The following WWOX variants were observed in gnomAD, a reference collection of about 807,000 sequenced individuals.
The protein encoded by WWOX is WW domain containing oxidoreductase, also known as WW domain-containing oxidoreductase.
In WWOX, 69 loss-of-function variants were observed where a neutral mutation model predicts 46.2. The observed-to-expected ratio is 1.49, with a 90% CI of 1.23 to 1.82. The LOEUF (loss-of-function observed/expected upper bound fraction) is 1.82. Among genes scored for constraint, WWOX ranks in the 40% most tolerant of loss-of-function variants. The pLI is 0.00. For synonymous variants in WWOX, 359 were observed against 202.6 expected (o/e 1.77, Z -6.56); for missense variants, 919 against 542.6 (o/e 1.69, Z -6.89).
At chr16:79,210,659 T>C (rs1178501776) in intron 8 of WWOX, among the ~76,000 whole-genome samples, 1 of 152,238 alleles carries the variant, frequency 6.6e-6, no homozygotes, top group Admixed American at 6.5e-5. Context: ...GTATTGGTTT[T>C]AAATTAGAGA....
At chr16:78,427,078 G>C (rs74894642) in intron 7 of WWOX, among the ~76,000 whole-genome samples, 5,469 of 152,270 alleles carry the variant, frequency 0.036, 177 homozygotes, top group East Asian at 0.088. Context: ...GACTTGGTGC[G>C]TAGGTGGTAC....
In WWOX at chr16:78,805,407, C is replaced by T. The variant is rs1597642397; in HGVS notation, c.1056+372655C>T. Among the ~76,000 whole-genome samples the T allele has an allele frequency of 2.0e-5, 3 of 149,544 alleles. No homozygotes were observed. In the Admixed American group the frequency reaches 2.0e-4, roughly 10 times the overall value. On this transcript the variant is annotated intron_variant, in intron 8 of 8. Transcript: ENST00000566780. ...TCCGGAGTAGCTGGGACTACAGGCA[C>T]CCGCCACCTCGCCTGGCTAATTTTT...
chr16:79,091,747 A>G (rs1253120587), intron 8 of WWOX, among the ~76,000 whole-genome samples: 1 of 144,952 alleles, frequency 6.9e-6, no homozygotes, highest in South Asian at 2.2e-4. Flanking sequence ...TTCTGCACAC[A>G]CCCGACCGCA....
chr16:78,939,242 G>T lies in WWOX; in HGVS notation c.1057-272366G>T, dbSNP rs555149914. On this transcript the variant is annotated intron_variant, in intron 8 of 8. Coordinates refer to ENST00000566780, the MANE Select transcript of WWOX (RefSeq NM_016373.4). ...CTGTCTGCTAGACACAGAATTGGGT[G>T]TTGGGCTTTAAAGATGGATGAAAGG... is the stretch of plus-strand genomic sequence containing the variant. 2.6e-4 allele frequency among the ~76,000 whole-genome samples: 40 copies of T among 152,274 alleles called. 1 individual carries two copies. The highest frequency in any genetic ancestry group is 9.4e-4 in the African/African-American group (39 of 41,560).
chr16:78,413,876 C>T (rs1327514597), intron 6 of WWOX, among the ~76,000 whole-genome samples: 2 of 151,328 alleles, frequency 1.3e-5, no homozygotes, highest in African/African-American at 2.4e-5. Flanking sequence ...AATCCCAGTA[C>T]TTTGGGAGGC....
In WWOX at chr16:79,178,501, G is replaced by C. The variant is rs560308625; in HGVS notation, c.1057-33107G>C. Among the ~76,000 whole-genome samples, 4 of 152,154 alleles carry C rather than the reference G, an allele frequency of 2.6e-5. No individual in the cohort carries two copies. The South Asian group carries it at 6.2e-4, about 24-fold the overall frequency. ...TGGCTAATTTTCTAAATTTTTTGTA[G>C]AGACAAGGTCTCACTGTGTTGTCCA... On this transcript the variant is annotated intron_variant, in intron 8 of 8. Coordinates refer to ENST00000566780, the MANE Select transcript of WWOX (RefSeq NM_016373.4).
intron 8 of WWOX, chr16:78,825,949 A>G (rs2051642228): frequency 1.3e-6 from 1 of 798,768 alleles, no homozygotes; most frequent in Admixed American, 2.3e-5. Context: ...CCATCTCAGA[A>G]CAGAAGGGTG....
At chr16:79,076,046 T>C (rs995658249) in intron 8 of WWOX, among the ~76,000 whole-genome samples, 2 of 152,208 alleles carry the variant, frequency 1.3e-5, no homozygotes, top group Non-Finnish European at 2.9e-5. Flanking sequence ...ACCATTTTCT[T>C]GAAAATGTTT....
intron 8 of WWOX, chr16:78,551,882 G>T (rs552490057): frequency 6.6e-6 from 1 of 152,164 alleles, no homozygotes; most frequent in African/African-American, 2.4e-5. Context: ...GCCCAAGCAG[G>T]TGTTGTTTCT....
intron 8 of WWOX, among the ~76,000 whole-genome samples, chr16:78,792,777 C>T (rs2050638493): frequency 6.6e-6 from 1 of 152,036 alleles, no homozygotes; most frequent in African/African-American, 2.4e-5. Flanking sequence ...GGTGGGAAAG[C>T]CAAGGAAGGC....
chr16:79,012,982 A>G (rs1020588668), intron 8 of WWOX, among the ~76,000 whole-genome samples: 5 of 152,190 alleles, frequency 3.3e-5, no homozygotes, highest in African/African-American at 1.2e-4. Context: ...GCCTGAGGTC[A>G]GGAAGAACCT....
chr16:78,784,430 C>T (rs940231195), intron 8 of WWOX, among the ~76,000 whole-genome samples: 4 of 151,746 alleles, frequency 2.6e-5, no homozygotes, highest in East Asian at 1.9e-4. Flanking sequence ...GCCCTTAGGC[C>T]GCTGGTGAGT....
intron 6 of WWOX, among the ~76,000 whole-genome samples, chr16:78,411,187 A>C (rs1433621531): frequency 6.6e-6 from 1 of 152,188 alleles, no homozygotes; most frequent in Non-Finnish European, 1.5e-5. Context: ...GATTACACAA[A>C]AGTATGAAAA....
intron 8 of WWOX, among the ~76,000 whole-genome samples, chr16:78,738,260 C>G (rs2049135145): frequency 6.6e-6 from 1 of 152,134 alleles, no homozygotes; most frequent in Non-Finnish European, 1.5e-5. Context: ...AATTTTTCCC[C>G]TTTCTAATAT....
intron 8 of WWOX, among the ~76,000 whole-genome samples, chr16:78,772,333 G>A (rs535271802): frequency 2.2e-4 from 33 of 152,238 alleles, no homozygotes; most frequent in African/African-American, 7.9e-4. Context: ...GAGGATAATG[G>A]CTTCTAGCCC....
chr16:78,412,318 A>G (rs777517763), intron 6 of WWOX, among the ~76,000 whole-genome samples: 3 of 152,162 alleles, frequency 2.0e-5, no homozygotes, highest in Non-Finnish European at 2.9e-5. Context: ...TGAAGAGTTT[A>G]GATTTAGGCA....
chr16:78,713,898 C>G (rs926318445), intron 8 of WWOX, among the ~76,000 whole-genome samples: 2 of 152,162 alleles, frequency 1.3e-5, no homozygotes, highest in African/African-American at 4.8e-5. Context: ...GGTGATGGAA[C>G]AGAAACACCC....
At chr16:78,649,167 T>G (rs1329104044) in intron 8 of WWOX, among the ~76,000 whole-genome samples, 2 of 152,114 alleles carry the variant, frequency 1.3e-5, no homozygotes, top group Non-Finnish European at 2.9e-5. Flanking sequence ...TGTATTTTAG[T>G]AGAGACGGGA....
At chr16:78,930,975 C>G (rs1343204060) in intron 8 of WWOX, among the ~76,000 whole-genome samples, 3 of 152,184 alleles carry the variant, frequency 2.0e-5, no homozygotes, top group African/African-American at 2.4e-5. Flanking sequence ...CACTAGCAGC[C>G]TCAGTTTCCT....
Sources: allele counts gnomAD v4.1 joint callset (sites outside exome capture counted in the v4.1 genomes callset), GRCh38; gene constraint gnomAD v4.1.1; transcripts MANE v1.5; gene names NCBI Gene and HGNC (gene_info 2026-07-23, HGNC 2026-07-21).